SOX5: variants seen among roughly 807,000 people sequenced by gnomAD.
The protein encoded by SOX5 is transcription factor SOX-5.
A neutral mutation model predicts 92.0 loss-of-function variants in SOX5; 9 were observed. The observed-to-expected ratio is 0.10, with a 90% CI of 0.06 to 0.17. The LOEUF (loss-of-function observed/expected upper bound fraction) is 0.17. Ranked by LOEUF, SOX5 falls within the 10% of genes least tolerant of loss-of-function variation. The pLI is 1.00. For synonymous variants in SOX5, 344 were observed against 336.3 expected (o/e 1.02, Z -0.25); for missense variants, 642 against 944.5 (o/e 0.68, Z 4.20).
At chr12:24,496,300 T>G (rs150324356) in intron 1 of SOX5, among the ~76,000 whole-genome samples, 7 of 152,340 alleles carry the variant, frequency 4.6e-5, no homozygotes, top group African/African-American at 1.4e-4. Flanking sequence ...TACAAATCCC[T>G]GGAGACATAG....
intron 2 of SOX5, among the ~76,000 whole-genome samples, chr12:24,298,614 T>A (rs1326846364): frequency 6.6e-6 from 1 of 152,118 alleles, no homozygotes; most frequent in Admixed American, 6.5e-5. Context: ...TATGTACTAA[T>A]AGAACAGTTT....
At position 24,292,337 on chromosome 12, in the gene SOX5, A is replaced by C. The variant is rs114788157; in HGVS notation, c.-173-15025T>G. Among the ~76,000 whole-genome samples the C allele has an allele frequency of 7.2e-3, 1,099 of 152,352 alleles. 11 individuals carry two copies. Among genetic ancestry groups the C allele is most frequent in the African/African-American group, 0.023 (968 of 41,584 alleles). On this transcript the variant is annotated intron_variant, in intron 2 of 4. Coordinates refer to the SOX5 transcript ENST00000446891. Reference sequence around the variant, plus strand: ...TCACTAAAAAGGAGACTAATGCTTCAGGATTATTTATTTGAAAATCTATTT... The same window carrying C: ...TCACTAAAAAGGAGACTAATGCTTCCGGATTATTTATTTGAAAATCTATTT...
intron 6 of SOX5, among the ~76,000 whole-genome samples, chr12:23,707,164 A>AT (rs2091487801): frequency 6.6e-6 from 1 of 152,148 alleles, no homozygotes; most frequent in African/African-American, 2.4e-5. Flanking sequence ...GTATGGCTGT[A>AT]GTCACCTTGC....
At chr12:24,171,214 T>C (rs1278786697) in intron 4 of SOX5, among the ~76,000 whole-genome samples, 1 of 32,654 alleles carries the variant, frequency 3.1e-5, no homozygotes, top group Admixed American at 4.2e-4. Flanking sequence ...AACAGTTTTT[T>C]TTGTTTGTTT....
At chr12:24,368,339 C>G (rs1263078973) in intron 2 of SOX5, 1 of 152,144 alleles carries the variant, frequency 6.6e-6, no homozygotes, top group African/African-American at 2.4e-5. Context: ...TGCCCTATTA[C>G]TACAGAATCT....
At chr12:23,944,514 C>CTTT (rs1944223925) in intron 1 of SOX5, among the ~76,000 whole-genome samples, 1 of 152,058 alleles carries the variant, frequency 6.6e-6, no homozygotes, top group South Asian at 2.1e-4. Flanking sequence ...ACACAGAGGT[C>CTTT]AGAAAGAATA....
At chr12:23,629,095 CTGT>C (rs1412469858) in intron 8 of SOX5, among the ~76,000 whole-genome samples, 1 of 152,066 alleles carries the variant, frequency 6.6e-6, no homozygotes. Context: ...GCACGCTTCT[CTGT>C]TGTTTTGTTT....
chr12:24,232,036 A>T (rs1241195666), intron 3 of SOX5, among the ~76,000 whole-genome samples: 1 of 152,170 alleles, frequency 6.6e-6, no homozygotes, highest in African/African-American at 2.4e-5. Flanking sequence ...TTGTAACTCA[A>T]TCTAGGAACA....
intron 9 of SOX5, among the ~76,000 whole-genome samples, chr12:23,601,720 A>T (rs889363891): frequency 6.6e-6 from 1 of 152,202 alleles, no homozygotes; most frequent in African/African-American, 2.4e-5. Context: ...AAGTAAATTC[A>T]TGTATTGTAA....
At chr12:23,704,687 C>CATATATATATATATATATATATATAT (rs376550773) in intron 6 of SOX5, among the ~76,000 whole-genome samples, 8 of 90,124 alleles carry the variant, frequency 8.9e-5, no homozygotes, top group South Asian at 5.2e-4. Flanking sequence ...TATATGCATG[C>CATATATATATATATATATATATATAT]ATATATATAT....
intron 3 of SOX5, among the ~76,000 whole-genome samples, chr12:24,216,206 G>T (rs1248896215): frequency 6.6e-6 from 1 of 152,126 alleles, no homozygotes; most frequent in African/African-American, 2.4e-5. Flanking sequence ...AATCCCGGCC[G>T]GGCGCGGTGG....
Position 23,943,081 on chromosome 12 carries a change from C to T in SOX5, c.38+6483G>A, listed in dbSNP as rs542717027. On this transcript the variant is annotated intron_variant, in intron 1 of 14. Coordinates refer to ENST00000451604, the MANE Select transcript of SOX5 (RefSeq NM_006940.6). ...CCAAATTATTTTTGTCCCTGAAGTACGAGAAATCTCCATAGCACATGAATG... is the reference window on the plus strand; with the variant it reads ...CCAAATTATTTTTGTCCCTGAAGTATGAGAAATCTCCATAGCACATGAATG... Among the ~76,000 whole-genome samples the T allele has an allele frequency of 1.4e-4, 21 of 152,036 alleles. No homozygotes were observed. The South Asian group carries it at 2.3e-3, about 17-fold the overall frequency.
intron 1 of SOX5, among the ~76,000 whole-genome samples, chr12:23,929,710 TA>T (rs1569068918): frequency 6.6e-6 from 1 of 151,918 alleles, no homozygotes; most frequent in African/African-American, 2.4e-5. Context: ...TTAATTTTTT[TA>T]AAAAATACGT....
chr12:24,289,484 C>T (rs1316634432), intron 2 of SOX5, among the ~76,000 whole-genome samples: 1 of 113,848 alleles, frequency 8.8e-6, no homozygotes, highest in African/African-American at 5.2e-5. Context: ...GACGGAGTCT[C>T]GCTCTGTCGC....
intron 3 of SOX5, among the ~76,000 whole-genome samples, chr12:23,757,698 A>G (rs1197408594): frequency 1.3e-5 from 2 of 151,976 alleles, no homozygotes; most frequent in South Asian, 2.1e-4. Flanking sequence ...GAATGCAGCA[A>G]TAGAAATCCA....
intron 4 of SOX5, among the ~76,000 whole-genome samples, chr12:24,136,859 T>G (rs1950152599): frequency 6.6e-6 from 1 of 152,230 alleles, no homozygotes; most frequent in Non-Finnish European, 1.5e-5. Context: ...TCTGTTGTAT[T>G]CAGACTGGAC....
intron 4 of SOX5, among the ~76,000 whole-genome samples, chr12:24,157,966 A>T (rs1175559950): frequency 6.6e-6 from 1 of 152,004 alleles, no homozygotes; most frequent in Non-Finnish European, 1.5e-5. Flanking sequence ...GTTAGTGTTT[A>T]CTATTTCAGA....
intron 1 of SOX5, among the ~76,000 whole-genome samples, chr12:24,421,378 T>G (rs1596469447): frequency 6.6e-6 from 1 of 152,234 alleles, no homozygotes; most frequent in Non-Finnish European, 1.5e-5. Flanking sequence ...GTTACACGCT[T>G]GTATGTCACT....
At chr12:24,314,098 T>A (rs1037622469) in intron 2 of SOX5, among the ~76,000 whole-genome samples, 1 of 152,178 alleles carries the variant, frequency 6.6e-6, no homozygotes, top group African/African-American at 2.4e-5. Context: ...TAATCCACCA[T>A]GATCTCGTCT....
Sources: allele counts gnomAD v4.1 joint callset (sites outside exome capture counted in the v4.1 genomes callset), GRCh38; gene constraint gnomAD v4.1.1; transcripts MANE v1.5; gene names NCBI Gene and HGNC (gene_info 2026-07-23, HGNC 2026-07-21).